ZNF705G: variants seen among roughly 807,000 people sequenced by gnomAD.
ZNF705G encodes the protein zinc finger protein 705G.
Under a neutral mutation model 19.6 loss-of-function variants are expected in ZNF705G, and 23 were observed. The observed-to-expected ratio is 1.17, with a 90% confidence interval of 0.84 to 1.66. The LOEUF (loss-of-function observed/expected upper bound fraction) is 1.66. Among genes scored for constraint, ZNF705G ranks in the 40% most tolerant of loss-of-function variants. The pLI, the probability that ZNF705G is intolerant of heterozygous loss-of-function variation, is 0.00. For synonymous variants in ZNF705G, 146 were observed against 117.7 expected, an observed-to-expected ratio of 1.24 and a Z score of -1.56; for missense variants, 457 against 354.4, an observed-to-expected ratio of 1.29 and a Z score of -2.32.
chr8:7,363,793 C>G (rs572637339), intron 2 of ZNF705G, among the ~76,000 whole-genome samples: 1 of 149,074 alleles, frequency 6.7e-6, no homozygotes, highest in Non-Finnish European at 1.5e-5. Context: ...TGCACTCCAG[C>G]GAGGGTGACA....
At chr8:7,364,121 T>C (rs527597972) in intron 2 of ZNF705G, among the ~76,000 whole-genome samples, 66 of 149,568 alleles carry the variant, frequency 4.4e-4, no homozygotes, top group South Asian at 4.0e-3. Flanking sequence ...AGTTGCAATA[T>C]CTCTGATTAT....
intron 2 of ZNF705G, among the ~76,000 whole-genome samples, chr8:7,376,711 G>A (rs1232536626): frequency 1.3e-5 from 2 of 150,150 alleles, no homozygotes; most frequent in Non-Finnish European, 2.9e-5. Flanking sequence ...GAAGTCTCAG[G>A]GTGTAACAAG....
Position 7,361,179 on chromosome 8 carries a change from T to G in ZNF705G, c.70A>C (p.Met24Leu). 6.3e-7 allele frequency: 1 copy of G among 1,593,176 alleles called. No homozygotes were observed. Among genetic ancestry groups the G allele is most frequent in the Non-Finnish European group, 8.5e-7 (1 of 1,179,454 alleles). The part of the protein sequence containing the change: ...IDFTQEEWAM[M>L]DTSKRKLYRD... The stretch of plus-strand genomic sequence containing the variant: ...TACAGCTTTCTCTTGGATGTGTCCA[T>G]CATGGCCCACTCTTCCTGGGTGAAG... The change falls in exon 4 of 7, where the codon ATG becomes CTG. Residue 24 changes from methionine (M) to leucine (L), a missense_variant. By Grantham distance (15) the Met-to-Leu change is conservative (BLOSUM62 2). Transcript: ENST00000400156.
At position 7,367,625 on chromosome 8, in the gene ZNF705G, G is replaced by A. The variant is rs117948066; in HGVS notation, c.-71-4608C>T. Among the ~76,000 whole-genome samples, 31 of 149,732 alleles carry A rather than the reference G, an allele frequency of 2.1e-4. 3 individuals carry two copies. The East Asian group carries it at 4.6e-3, about 22-fold the overall frequency. ...ACGGGAAAGAGGAAAACCCAACGCA[G>A]GATCAAGGTTAAAGGCTCTTCTCTT... On this transcript the variant is annotated intron_variant, in intron 2 of 6. Transcript: ENST00000400156.
chr8:7,380,999 G>C, intron 2 of ZNF705G, among the ~76,000 whole-genome samples: 1 of 69,296 alleles, frequency 1.4e-5, no homozygotes, highest in Non-Finnish European at 2.2e-5. Flanking sequence ...CTGGCCTACA[G>C]AGCTAGACTC....
In ZNF705G at chr8:7,359,349, C is replaced by T. The variant is rs1195742848; in HGVS notation, c.318+270G>A. On this transcript the variant is annotated intron_variant, in intron 6 of 6. Coordinates refer to ENST00000400156, the MANE Select transcript of ZNF705G (RefSeq NM_001164457.3). ...CTCTTCTGTAACATCTCAACTGCAG[C>T]GTTATTGCATAATTGTGTTGATATC... Among the ~76,000 whole-genome samples, 30 of 149,844 alleles carry T rather than the reference C, an allele frequency of 2.0e-4. 1 individual carries two copies. Among genetic ancestry groups the T allele is most frequent in the African/African-American group, 4.1e-4 (16 of 39,248 alleles).
chr8:7,357,864 T>C lies in ZNF705G; in HGVS notation c.*112A>G. 4 of 1,510,460 alleles carry C rather than the reference T, an allele frequency of 2.6e-6. No individual in the cohort carries two copies. Among genetic ancestry groups the C allele is most frequent in the Admixed American group, 2.1e-5 (1 of 46,664 alleles). The allele number at this position is 1,510,460 out of a possible 1,614,324, so 93.6% of individuals were successfully genotyped here. On this transcript the variant is annotated 3_prime_UTR_variant, in exon 7 of 7. Transcript: ENST00000400156. ...GAATATGTTCTGAAGAAGTTTATAA[T>C]TTTCTCTCCAGGGTGAATTTTCTGA...
intron 2 of ZNF705G, among the ~76,000 whole-genome samples, chr8:7,366,941 T>G (rs1461582088): frequency 6.7e-6 from 1 of 149,738 alleles, no homozygotes; most frequent in Non-Finnish European, 1.5e-5. Context: ...TGGCTATTAC[T>G]ACTAAGGATA....
intron 2 of ZNF705G, among the ~76,000 whole-genome samples, chr8:7,376,768 C>T (rs1273779100): frequency 6.0e-5 from 9 of 150,104 alleles, no homozygotes. Flanking sequence ...GAATATTGTT[C>T]CCTTCCACAG....
At chr8:7,374,236 C>T (rs1402807089) in intron 2 of ZNF705G, among the ~76,000 whole-genome samples, 1 of 85,288 alleles carries the variant, frequency 1.2e-5, no homozygotes, top group Non-Finnish European at 2.2e-5. Flanking sequence ...AGATTATTAT[C>T]CTTGTGGCAT....
chr8:7,369,040 C>T (rs1351121794), intron 2 of ZNF705G, among the ~76,000 whole-genome samples: 1 of 149,548 alleles, frequency 6.7e-6, no homozygotes, highest in Non-Finnish European at 1.5e-5. Context: ...TGTCTTACAT[C>T]ACAGCAGGCA....
rs1807237763 is a variant in ZNF705G, at chr8:7,376,336, A to G, written c.-72+5116T>C. Among the ~76,000 whole-genome samples, 2 of 94,164 alleles carry G rather than the reference A, an allele frequency of 2.1e-5. 1 individual carries two copies. The highest frequency in any genetic ancestry group is 7.1e-4 in the South Asian group (2 of 2,808). 61.8% of individuals were successfully genotyped at this position (94,164 alleles called of 152,430 possible). ...AATAGGCATTTATTGAATGTTTATT[A>G]AAATCGCTGTACTGATTGAAAGCTA... On this transcript the variant is annotated intron_variant, in intron 2 of 6. Transcript: ENST00000400156.
At chr8:7,362,911 T>C (rs1806673425) in intron 3 of ZNF705G, 24 bp downstream of exon 3, 1 of 1,586,854 alleles carries the variant, frequency 6.3e-7, no homozygotes, top group Non-Finnish European at 8.5e-7. Flanking sequence ...ATAATTTCAG[T>C]AGAAAGAGGC....
At chr8:7,360,194 C>G (rs753201476) in intron 5 of ZNF705G, 43 bp downstream of exon 5, 42 of 1,584,162 alleles carry the variant, frequency 2.7e-5, no homozygotes, top group South Asian at 1.3e-4. Flanking sequence ...TATTCATTGA[C>G]AAAGCACCTC....
In ZNF705G at chr8:7,356,274, G is replaced by A. The variant is rs1429200727; in HGVS notation, c.*1702C>T. ...CTGGTGTTTTATCTTCTGGACTGCA[G>A]TAAAAGGAGCACAGCTGTGTCTGTC... On this transcript the variant is annotated 3_prime_UTR_variant, in exon 7 of 7. Transcript: ENST00000400156. The A allele has an allele frequency of 1.3e-5, 2 of 149,474 alleles. No homozygotes were observed. The highest frequency in any genetic ancestry group is 2.1e-4 in the South Asian group (1 of 4,768). The allele number at this position is 149,474 out of a possible 1,614,324, so 9.3% of individuals were successfully genotyped here. A position where few individuals can be genotyped will look rare whatever the true frequency, so the allele number is the denominator to read the frequency against.
At chr8:7,359,988 T>C (rs1308947420) in intron 5 of ZNF705G, among the ~76,000 whole-genome samples, 2 of 149,100 alleles carry the variant, frequency 1.3e-5, no homozygotes, top group East Asian at 1.9e-4. Context: ...CATATGAAAG[T>C]TTAACCCCAG....
At chr8:7,365,962 A>G (rs1207721413) in intron 2 of ZNF705G, among the ~76,000 whole-genome samples, 1 of 149,390 alleles carries the variant, frequency 6.7e-6, no homozygotes, top group Non-Finnish European at 1.5e-5. Context: ...AAGTGCTATT[A>G]TTTAGTAGAT....
intron 2 of ZNF705G, among the ~76,000 whole-genome samples, chr8:7,367,306 CT>C (rs1406283802): frequency 1.3e-5 from 2 of 149,294 alleles, no homozygotes; most frequent in African/African-American, 5.2e-5. Flanking sequence ...CACATTTCCT[CT>C]CTAAAAATGA....
chr8:7,361,187 C>A lies in ZNF705G; in HGVS notation c.62G>T (p.Trp21Leu), dbSNP rs1413516841. Reference protein sequence around the residue: ...DVAIDFTQEEWAMMDTSKRKL... With the variant: ...DVAIDFTQEELAMMDTSKRKL... ...TCTCTTGGATGTGTCCATCATGGCCCACTCTTCCTGGGTGAAGTCAATAGC... is the reference window on the plus strand; with the variant it reads ...TCTCTTGGATGTGTCCATCATGGCCAACTCTTCCTGGGTGAAGTCAATAGC... The change falls in exon 4 of 7, where the codon TGG becomes TTG. Residue 21 changes from tryptophan to leucine, a missense_variant. Trp to Leu is a moderately conservative substitution (Grantham distance 61, BLOSUM62 -2). Coordinates refer to ENST00000400156, the MANE Select transcript of ZNF705G (RefSeq NM_001164457.3). The A allele has an allele frequency of 6.3e-7, 1 of 1,592,968 alleles. No individual in the cohort carries two copies. Among genetic ancestry groups the A allele is most frequent in the East Asian group, 2.2e-5 (1 of 44,878 alleles).
Sources: allele counts gnomAD v4.1 joint callset (sites outside exome capture counted in the v4.1 genomes callset), GRCh38; gene constraint gnomAD v4.1.1; transcripts MANE v1.5; gene names NCBI Gene and HGNC (gene_info 2026-07-23, HGNC 2026-07-21).